Variants in ARMH4 observed in about 807,000 individuals in gnomAD.
ARMH4 encodes the protein armadillo-like helical domain-containing protein 4.
A neutral mutation model predicts 61.9 loss-of-function variants in ARMH4; 49 were observed. The observed-to-expected ratio is 0.79, with a 90% confidence interval of 0.63 to 1.00. ARMH4 has a LOEUF of 1.00. ARMH4 is among the 50% of genes least tolerant of loss of function. ARMH4 has a pLI of 0.00. For synonymous variants in ARMH4, 368 were observed against 341.5 expected, an observed-to-expected ratio of 1.08 and a Z score of -0.85; for missense variants, 934 against 930.0, an observed-to-expected ratio of 1.00 and a Z score of -0.06.
intron 5 of ARMH4, among the ~76,000 whole-genome samples, chr14:58,043,833 C>A (rs1883820671): frequency 6.6e-6 from 1 of 152,154 alleles, no homozygotes; most frequent in Non-Finnish European, 1.5e-5. Flanking sequence ...AGAGCCAAAT[C>A]ATGAGTGAAC....
At chr14:58,039,288 T>C (rs1883600628) in intron 5 of ARMH4, among the ~76,000 whole-genome samples, 3 of 152,214 alleles carry the variant, frequency 2.0e-5, no homozygotes, top group Non-Finnish European at 2.9e-5. Flanking sequence ...CTTTATCCTT[T>C]CCAGGTGTTT....
At chr14:58,032,310 T>C (rs2141166838) in intron 5 of ARMH4, among the ~76,000 whole-genome samples, 1 of 152,230 alleles carries the variant, frequency 6.6e-6, no homozygotes, top group African/African-American at 2.4e-5. Flanking sequence ...ACTGAGGCTG[T>C]TGTTCTCATA....
intron 5 of ARMH4, among the ~76,000 whole-genome samples, chr14:58,022,256 C>T (rs1882863460): frequency 6.6e-6 from 1 of 152,154 alleles, no homozygotes. Context: ...CCGCCACTCT[C>T]CAAGCTCTGC....
chr14:58,122,298 TAGA>T (rs1004232754), intron 4 of ARMH4, among the ~76,000 whole-genome samples: 1 of 152,198 alleles, frequency 6.6e-6, no homozygotes, highest in Non-Finnish European at 1.5e-5. Context: ...ACTTGCGTGC[TAGA>T]AGGACTAAGG....
At chr14:58,090,598 G>A (rs1382686902) in intron 5 of ARMH4, among the ~76,000 whole-genome samples, 4 of 152,062 alleles carry the variant, frequency 2.6e-5, no homozygotes, top group African/African-American at 9.7e-5. Context: ...AAGTACAGTG[G>A]CCAGGCACAG....
In ARMH4 at chr14:58,138,923, T is replaced by C. The variant is rs1251384581; in HGVS notation, c.436A>G (p.Thr146Ala). The C allele has an allele frequency of 1.9e-6, 3 of 1,614,216 alleles. No individual in the cohort carries two copies. Residue 146 changes from threonine (T) to alanine (A), a missense_variant, in exon 2 of 8, where the codon ACC (threonine) becomes GCC (alanine). By Grantham distance (58) the Thr-to-Ala change is moderately conservative. Transcript: ENST00000267485. The stretch of plus-strand genomic sequence containing the variant: ...GAAGGAGTCGCAGTGATAGCAATGG[T>C]TAACATGGCCTTGGCAAGTCCACTT... ...PESGLAKAML[T>A]IAITATPSLT...
At chr14:58,087,000 C>T (rs1360770626) in intron 5 of ARMH4, among the ~76,000 whole-genome samples, 1 of 152,064 alleles carries the variant, frequency 6.6e-6, no homozygotes, top group African/African-American at 2.4e-5. Context: ...GGAAGATAGA[C>T]CAGACAGCAC....
At chr14:58,148,898 A>G (rs983291061) in intron 1 of ARMH4, among the ~76,000 whole-genome samples, 6 of 152,028 alleles carry the variant, frequency 3.9e-5, no homozygotes, top group African/African-American at 1.4e-4. Context: ...ACCAACAGTT[A>G]CAGGTAACAA....
At chr14:58,081,183 G>T (rs1413732704) in intron 5 of ARMH4, among the ~76,000 whole-genome samples, 1 of 152,148 alleles carries the variant, frequency 6.6e-6, no homozygotes, top group Non-Finnish European at 1.5e-5. Flanking sequence ...GATAAAAAGT[G>T]CATCCTCTGG....
At position 58,133,315 on chromosome 14, in the gene ARMH4, C is replaced by T; in HGVS notation, c.1396G>A (p.Ala466Thr). ...KDIITQEMTT[A>T]VQEPDATLSM... is the part of the protein sequence containing the mutation. ...AAAGTGGCATCTGGCTCTTGAACAG[C>T]TGTTGTCATCTCTTGAGTGATGATG... The change falls in exon 3 of 8, where the codon GCT becomes ACT. Residue 466 changes from alanine to threonine, a missense_variant. Transcript: ENST00000267485. The T allele has an allele frequency of 1.9e-6, 3 of 1,613,592 alleles. No individual in the cohort carries two copies. The highest frequency in any genetic ancestry group is 2.5e-6 in the Non-Finnish European group (3 of 1,179,970).
chr14:58,040,655 T>C (rs1469326195), intron 5 of ARMH4, among the ~76,000 whole-genome samples: 1 of 152,222 alleles, frequency 6.6e-6, no homozygotes, highest in Non-Finnish European at 1.5e-5. Flanking sequence ...GATAGAATGA[T>C]ATACATTCCT....
intron 6 of ARMH4, among the ~76,000 whole-genome samples, chr14:58,006,842 T>C (rs1216727765): frequency 2.0e-5 from 3 of 152,122 alleles, no homozygotes; most frequent in South Asian, 2.1e-4. Flanking sequence ...CACACCAACA[T>C]GGCACATGTA....
At position 58,072,508 on chromosome 14, in the gene ARMH4, C is replaced by A. The variant is rs562533085; in HGVS notation, c.2089+24216G>T. Among the ~76,000 whole-genome samples, 4 of 152,166 alleles carry A rather than the reference C, an allele frequency of 2.6e-5. No individual in the cohort carries two copies. The East Asian group carries it at 7.7e-4, about 29-fold the overall frequency. On this transcript the variant is annotated intron_variant, in intron 5 of 7. Transcript: ENST00000267485. The stretch of plus-strand genomic sequence containing the variant: ...CGGAGGTGGGTGGATCACCTGAGGT[C>A]AGGAGTTCAAGACTAGCCTGGCCAA...
At chr14:58,140,306 C>T (rs1887490671) in intron 1 of ARMH4, among the ~76,000 whole-genome samples, 1 of 147,594 alleles carries the variant, frequency 6.8e-6, no homozygotes, top group Non-Finnish European at 1.5e-5. Flanking sequence ...CCAGGCCAGG[C>T]ACAGTGTCTC....
At chr14:58,118,782 T>C (rs1463244897) in intron 4 of ARMH4, among the ~76,000 whole-genome samples, 5 of 152,190 alleles carry the variant, frequency 3.3e-5, no homozygotes, top group African/African-American at 1.2e-4. Context: ...TGTGTTCCCT[T>C]AGGTTTGAGC....
At chr14:58,124,816 T>C (rs558305344) in intron 4 of ARMH4, among the ~76,000 whole-genome samples, 3 of 152,276 alleles carry the variant, frequency 2.0e-5, no homozygotes, top group Non-Finnish European at 2.9e-5. Context: ...TCAGTGATAA[T>C]GGAATACTTA....
chr14:58,038,893 A>AT (rs1883582639), intron 5 of ARMH4, among the ~76,000 whole-genome samples: 4 of 152,216 alleles, frequency 2.6e-5, no homozygotes, highest in African/African-American at 9.6e-5. Context: ...TTACCCTTAG[A>AT]GTTCATGGAC....
At chr14:58,083,356 G>A (rs1256970125) in intron 5 of ARMH4, among the ~76,000 whole-genome samples, 1 of 152,208 alleles carries the variant, frequency 6.6e-6, no homozygotes, top group Non-Finnish European at 1.5e-5. Flanking sequence ...AAGGCAGGTA[G>A]ATCACTTGAG....
intron 1 of ARMH4, among the ~76,000 whole-genome samples, chr14:58,145,077 G>A (rs1887693854): frequency 6.6e-6 from 1 of 152,120 alleles, no homozygotes; most frequent in African/African-American, 2.4e-5. Flanking sequence ...TTTCTATTCA[G>A]TGAAATCTTA....
Sources: gnomAD v4.1 joint callset for allele counts (sites outside exome capture counted in the v4.1 genomes callset) on GRCh38, gnomAD v4.1.1 for gene constraint, MANE v1.5 for transcripts, NCBI Gene and HGNC (gene_info 2026-07-23, HGNC 2026-07-21) for gene names.